BCL7B: variants seen among roughly 807,000 people sequenced by gnomAD.
BCL7B encodes BAF chromatin remodeling complex subunit BCL7B, also known as B-cell CLL/lymphoma 7 protein family member B.
Under a neutral mutation model 26.5 loss-of-function variants are expected in BCL7B, and 11 were observed. That is an observed-to-expected ratio of 0.42 (90% confidence interval 0.26 to 0.69). BCL7B has a LOEUF of 0.69. Ranked by LOEUF, BCL7B falls within the 30% of genes least tolerant of loss-of-function variation. The pLI, the probability that BCL7B is intolerant of heterozygous loss-of-function variation, is 0.28. For synonymous variants in BCL7B, 111 were observed against 107.9 expected (o/e 1.03, Z -0.18); for missense variants, 215 against 264.4 (o/e 0.81, Z 1.30).
intron 2 of BCL7B, among the ~76,000 whole-genome samples, chr7:73,550,176 C>T (rs1792103799): frequency 6.6e-6 from 1 of 152,144 alleles, no homozygotes. Context: ...AAGGTACTCA[C>T]TGCAAATAAG....
At chr7:73,540,886 C>T (rs1791744375) in intron 3 of BCL7B, among the ~76,000 whole-genome samples, 1 of 148,886 alleles carries the variant, frequency 6.7e-6, no homozygotes, top group African/African-American at 2.5e-5. Context: ...GTGGCTCACG[C>T]CTGTAATCCC....
In BCL7B at chr7:73,537,201, G is replaced by C. The variant is rs1211731500; in HGVS notation, c.*97C>G. 8.4e-7 allele frequency: 1 copy of C among 1,195,228 alleles called. No homozygotes were observed. The highest frequency in any genetic ancestry group is 1.2e-6 in the Non-Finnish European group (1 of 817,510). 74.0% of individuals were successfully genotyped at this position (1,195,228 alleles called of 1,614,324 possible). On this transcript the variant is annotated 3_prime_UTR_variant, in exon 6 of 6. Coordinates refer to ENST00000223368, the MANE Select transcript of BCL7B (RefSeq NM_001707.4). Reference sequence around the variant, plus strand: ...GGAAGGCTCATGTGTGCAGGCTCTTGACCCCAGTGCTTGCCCTTACCCCAG... The same window carrying C: ...GGAAGGCTCATGTGTGCAGGCTCTTCACCCCAGTGCTTGCCCTTACCCCAG...
chr7:73,550,953 G>C (rs1265688797), intron 2 of BCL7B, among the ~76,000 whole-genome samples: 1 of 151,976 alleles, frequency 6.6e-6, no homozygotes, highest in African/African-American at 2.4e-5. Flanking sequence ...CACCACGCCC[G>C]GCCCACATAT....
chr7:73,550,318 G>A (rs1792109686), intron 2 of BCL7B, among the ~76,000 whole-genome samples: 2 of 152,158 alleles, frequency 1.3e-5, no homozygotes, highest in South Asian at 4.1e-4. Context: ...GGCCAAGGCA[G>A]GCGGATTACT....
chr7:73,541,990 A>T (rs1160117753), intron 3 of BCL7B, among the ~76,000 whole-genome samples: 1 of 152,170 alleles, frequency 6.6e-6, no homozygotes, highest in African/African-American at 2.4e-5. Flanking sequence ...CTCCCAACAC[A>T]GCCCCGACAT....
chr7:73,544,143 G>A (rs1195682032), intron 2 of BCL7B, among the ~76,000 whole-genome samples: 1 of 152,034 alleles, frequency 6.6e-6, no homozygotes, highest in Non-Finnish European at 1.5e-5. Context: ...CACCCCAGCC[G>A]GGCGCACTGG....
intron 3 of BCL7B, among the ~76,000 whole-genome samples, chr7:73,541,644 T>C (rs1305151729): frequency 6.6e-6 from 1 of 152,000 alleles, no homozygotes; most frequent in Non-Finnish European, 1.5e-5. Context: ...ATTTTGTATT[T>C]TTATTAGAGA....
chr7:73,554,362 G>A (rs1792285195), intron 1 of BCL7B, among the ~76,000 whole-genome samples: 1 of 152,082 alleles, frequency 6.6e-6, no homozygotes, highest in East Asian at 1.9e-4. Context: ...CTTGCTGTCA[G>A]TAGGAACAAG....
chr7:73,538,076 T>G lies in BCL7B; in HGVS notation c.437-63A>C, dbSNP rs577280790. 69 of 1,122,888 alleles carry G rather than the reference T, an allele frequency of 6.1e-5. 1 individual carries two copies. The African/African-American group carries it at 1.0e-3, about 17-fold the overall frequency. The allele number at this position is 1,122,888 out of a possible 1,614,324, so 69.6% of individuals were successfully genotyped here. ...CCCTGAGGCCTGGACCTGGGGGAGC[T>G]TCCTTAGAGCTGTGTGGAGGTGGCT... On this transcript the variant is annotated intron_variant, in intron 4 of 5. Transcript: ENST00000223368.
At chr7:73,554,252 C>T (rs139400242) in intron 1 of BCL7B, among the ~76,000 whole-genome samples, 2 of 151,602 alleles carry the variant, frequency 1.3e-5, no homozygotes, top group Non-Finnish European at 2.9e-5. Context: ...TGTGAGCCAC[C>T]GTGCCCAGCC....
At chr7:73,548,073 A>G (rs1186432548) in intron 2 of BCL7B, among the ~76,000 whole-genome samples, 5 of 152,100 alleles carry the variant, frequency 3.3e-5, no homozygotes, top group African/African-American at 1.2e-4. Flanking sequence ...AGCCAAGATT[A>G]CGTCACTGCA....
intron 2 of BCL7B, among the ~76,000 whole-genome samples, chr7:73,544,403 A>T (rs1791881596): frequency 6.6e-6 from 1 of 151,820 alleles, no homozygotes; most frequent in African/African-American, 2.4e-5. Context: ...ACAGTGCGAG[A>T]CTCCATCTAA....
chr7:73,539,419 A>G (rs1367233125), intron 4 of BCL7B, among the ~76,000 whole-genome samples: 1 of 147,156 alleles, frequency 6.8e-6, no homozygotes, highest in African/African-American at 2.5e-5. Context: ...GCCCAACTAA[A>G]TTTTTTATGT....
chr7:73,550,522 C>T (rs1035382750), intron 2 of BCL7B, among the ~76,000 whole-genome samples: 1 of 151,334 alleles, frequency 6.6e-6, no homozygotes, highest in African/African-American at 2.4e-5. Context: ...TCCAGCCTGG[C>T]GACAGAGCGA....
At chr7:73,543,472 C>G (rs1183600957) in intron 3 of BCL7B, 76 bp downstream of exon 3, 23 of 1,400,894 alleles carry the variant, frequency 1.6e-5, no homozygotes, top group Non-Finnish European at 1.8e-5. Flanking sequence ...GTCACTGCAC[C>G]TGGCCAATTC....
intron 2 of BCL7B, among the ~76,000 whole-genome samples, chr7:73,544,596 A>T (rs547796740): frequency 7.9e-5 from 12 of 152,296 alleles, no homozygotes; most frequent in African/African-American, 2.9e-4. Context: ...ACTTCATAAC[A>T]GCCTGGGCGA....
In BCL7B at chr7:73,536,954, T is replaced by G; in HGVS notation, c.*344A>C. 1 of 226,374 alleles carries G rather than the reference T, an allele frequency of 4.4e-6. No homozygotes were observed. The highest frequency in any genetic ancestry group is 8.6e-6 in the Non-Finnish European group (1 of 116,324). 14.0% of individuals were successfully genotyped at this position (226,374 alleles called of 1,614,324 possible). ...TCTCTTCTAGAAGGTGCCTTCCACA[T>G]CTCTCTCTTCTCGCAGAAGCTGCCA... On this transcript the variant is annotated 3_prime_UTR_variant, in exon 6 of 6. Transcript: ENST00000223368.
chr7:73,555,861 A>G (rs992199963), intron 1 of BCL7B, among the ~76,000 whole-genome samples: 1 of 152,074 alleles, frequency 6.6e-6, no homozygotes, highest in Admixed American at 6.5e-5. Flanking sequence ...TCCTCCCACC[A>G]CAGCCTTCCA....
chr7:73,554,631 T>C (rs1209338793), intron 1 of BCL7B, among the ~76,000 whole-genome samples: 3 of 151,230 alleles, frequency 2.0e-5, no homozygotes, highest in African/African-American at 7.3e-5. Flanking sequence ...AATCCTGTCC[T>C]CACTAAAAAT....
Sources: gnomAD v4.1 joint callset for allele counts (sites outside exome capture counted in the v4.1 genomes callset) on GRCh38, gnomAD v4.1.1 for gene constraint, MANE v1.5 for transcripts, NCBI Gene and HGNC (gene_info 2026-07-23, HGNC 2026-07-21) for gene names.